Variants in C9orf72 observed in about 807,000 individuals in gnomAD.
C9orf72 encodes the protein C9orf72-SMCR8 complex subunit, also known as guanine nucleotide exchange factor C9orf72.
C9orf72 carries 44 observed loss-of-function variants against 51.6 expected under a neutral mutation model. The observed-to-expected ratio is 0.85, with a 90% CI of 0.67 to 1.10. C9orf72 has a LOEUF of 1.10. Among genes scored for constraint, C9orf72 ranks in the 50% least tolerant of loss-of-function variants. C9orf72 has a pLI of 0.00. For missense variants in C9orf72, 607 were observed against 570.6 expected, an observed-to-expected ratio of 1.06 and a Z score of -0.65; for synonymous variants, 213 against 194.2, an observed-to-expected ratio of 1.10 and a Z score of -0.81.
In C9orf72 at chr9:27,548,731, TGA is replaced by T. The variant is rs373632829; in HGVS notation, c.1150-67_1150-66del. 2.3e-4 allele frequency: 192 copies of T among 832,538 alleles called. No homozygotes were observed. The East Asian group carries it at 4.2e-3, about 18-fold the overall frequency. The allele number at this position is 832,538 out of a possible 1,614,324, so 51.6% of individuals were successfully genotyped here. A position where few individuals can be genotyped will look rare whatever the true frequency, so the allele number is the denominator to read the frequency against. ...CATTCTACTCGTACAGAAGTTTCTA[TGA>T]CAGTGTTGACAGTGCTTGGCAGACA... On this transcript the variant is annotated intron_variant, in intron 9 of 10. Coordinates refer to ENST00000380003, the MANE Select transcript of C9orf72 (RefSeq NM_018325.5).
chr9:27,561,668 TAA>T lies in C9orf72; in HGVS notation c.601-21_601-20del. Reference sequence around the variant, plus strand: ...CAGCTATCTAAAATGCATCAAAAAATAAAAAAATTAGTCTGGCTGTAACATAG... The same window carrying T: ...CAGCTATCTAAAATGCATCAAAAAATAAAAATTAGTCTGGCTGTAACATAG... On this transcript the variant is annotated intron_variant, in intron 4 of 10. Coordinates refer to ENST00000380003, the MANE Select transcript of C9orf72 (RefSeq NM_018325.5). 6.7e-7 allele frequency: 1 copy of T among 1,484,330 alleles called. No homozygotes were observed. The highest frequency in any genetic ancestry group is 9.3e-7 in the Non-Finnish European group (1 of 1,073,574). 91.9% of individuals were successfully genotyped at this position (1,484,330 alleles called of 1,614,324 possible).
chr9:27,548,462 G>GA, intron 10 of C9orf72, 40 bp from the exon 11 acceptor site: 1 of 502,014 alleles, frequency 2.0e-6, no homozygotes. Flanking sequence ...AAAAAAAAAA[G>GA]AAGCGCAAAA....
At chr9:27,565,033 C>A (rs1170892070) in intron 3 of C9orf72, among the ~76,000 whole-genome samples, 2 of 152,048 alleles carry the variant, frequency 1.3e-5, no homozygotes, top group African/African-American at 4.8e-5. Context: ...ATATCACTGA[C>A]AAATTTTAAT....
chr9:27,548,973 T>C (rs1227649862), intron 9 of C9orf72, among the ~76,000 whole-genome samples: 1 of 152,066 alleles, frequency 6.6e-6, no homozygotes, highest in Non-Finnish European at 1.5e-5. Context: ...GCCTCCCAGG[T>C]AGCTGGGATT....
chr9:27,550,862 T>C (rs987509553), intron 8 of C9orf72, among the ~76,000 whole-genome samples, 155 bp from the exon 9 acceptor site: 4 of 152,172 alleles, frequency 2.6e-5, no homozygotes, highest in Admixed American at 1.3e-4. Flanking sequence ...TAGATATATA[T>C]ATTTGGAGAC....
chr9:27,560,134 AT>A, intron 6 of C9orf72, 92 bp downstream of exon 6: 1 of 806,920 alleles, frequency 1.2e-6, no homozygotes, highest in Non-Finnish European at 1.9e-6. Flanking sequence ...CTACTAGATC[AT>A]TTTAATTGCA....
Position 27,546,699 on chromosome 9 carries a change from T to A in C9orf72, c.*1537A>T, listed in dbSNP as rs1208114840. The A allele has an allele frequency of 6.6e-6, 1 of 152,208 alleles. No homozygotes were observed. Among genetic ancestry groups the A allele is most frequent in the Non-Finnish European group, 1.5e-5 (1 of 68,022 alleles). 9.4% of individuals were successfully genotyped at this position (152,208 alleles called of 1,614,324 possible). Reference sequence around the variant, plus strand: ...CCAAAGAAAATAACCAGTTAGCACTTAAATAAGAATCTACCATGTAAAAAA... The same window carrying A: ...CCAAAGAAAATAACCAGTTAGCACTAAAATAAGAATCTACCATGTAAAAAA... On this transcript the variant is annotated 3_prime_UTR_variant, in exon 11 of 11. Transcript: ENST00000380003.
At chr9:27,552,422 G>A (rs866159857) in intron 8 of C9orf72, among the ~76,000 whole-genome samples, 1 of 151,760 alleles carries the variant, frequency 6.6e-6, no homozygotes, top group Middle Eastern at 3.4e-3. Flanking sequence ...ATCTCAGCTC[G>A]CTGCCAACCT....
At chr9:27,550,191 C>T (rs933409184) in intron 9 of C9orf72, among the ~76,000 whole-genome samples, 17 of 149,760 alleles carry the variant, frequency 1.1e-4, no homozygotes, top group Non-Finnish European at 1.9e-4. Context: ...TATATATATA[C>T]ACACACAAAC....
chr9:27,562,207 G>A (rs1380462259), intron 4 of C9orf72, among the ~76,000 whole-genome samples, 174 bp downstream of exon 4: 1 of 152,120 alleles, frequency 6.6e-6, no homozygotes, highest in East Asian at 1.9e-4. Context: ...CCTCTGTTTT[G>A]CCATAAAATC....
intron 3 of C9orf72, among the ~76,000 whole-genome samples, chr9:27,564,657 T>A (rs1048808735): frequency 2.6e-5 from 4 of 152,144 alleles, no homozygotes; most frequent in African/African-American, 7.2e-5. Flanking sequence ...GGGTTCTGTA[T>A]TATGGCCATG....
At chr9:27,558,146 T>A (rs1336027077) in intron 7 of C9orf72, among the ~76,000 whole-genome samples, 2 of 150,444 alleles carry the variant, frequency 1.3e-5, no homozygotes, top group Admixed American at 1.3e-4. Flanking sequence ...ATGTTTAAAA[T>A]TTTTTTTCAA....
intron 4 of C9orf72, among the ~76,000 whole-genome samples, chr9:27,562,062 A>G (rs1819363655): frequency 6.6e-6 from 1 of 152,234 alleles, no homozygotes; most frequent in African/African-American, 2.4e-5. Flanking sequence ...ACTTTGGCAC[A>G]CAGTTTTGTT....
At chr9:27,548,454 A>G in intron 10 of C9orf72, 32 bp from the exon 11 acceptor site, 1 of 1,410,018 alleles carries the variant, frequency 7.1e-7, no homozygotes, top group African/African-American at 1.5e-5. Context: ...AAAAAAAAAA[A>G]AAAAAAAGAA....
rs763962885 is a variant in C9orf72 at position 27,562,476 on chromosome 9, C to T, written c.505G>A (p.Gly169Ser). ...LEGTERMEDQ[G>S]QSIIPMLTGE... ...GTAAGCATTGGAATAATACTCTGACCCTGCACAATAAAGTGACATGAAGTG... is the reference window on the plus strand; with the variant it reads ...GTAAGCATTGGAATAATACTCTGACTCTGCACAATAAAGTGACATGAAGTG... Residue 169 changes from glycine to serine, a missense_variant and splice_region_variant, in exon 4 of 11, where the codon GGT becomes AGT. Physicochemically the swap from Gly to Ser is moderately conservative, Grantham distance 56. Coordinates refer to ENST00000380003, the MANE Select transcript of C9orf72 (RefSeq NM_018325.5). The T allele has an allele frequency of 2.0e-6, 3 of 1,520,346 alleles. No homozygotes were observed. The highest frequency in any genetic ancestry group is 2.7e-6 in the Non-Finnish European group (3 of 1,123,006). The allele number at this position is 1,520,346 out of a possible 1,614,324, so 94.2% of individuals were successfully genotyped here. A position where few individuals can be genotyped will look rare whatever the true frequency, so the allele number is the denominator to read the frequency against.
chr9:27,565,261 C>A lies in C9orf72; in HGVS notation c.504+270G>T, dbSNP rs537176846. On this transcript the variant is annotated intron_variant, in intron 3 of 10. Coordinates refer to ENST00000380003, the MANE Select transcript of C9orf72 (RefSeq NM_018325.5). The stretch of plus-strand genomic sequence containing the variant: ...CAATTTTTTTTATTTTTACTATGAA[C>A]AAGTTATCCAAAATTTATTCTGGGC... Among the ~76,000 whole-genome samples, 5 of 151,382 alleles carry A rather than the reference C, an allele frequency of 3.3e-5. No individual in the cohort carries two copies. The East Asian group carries it at 9.7e-4, about 29-fold the overall frequency.
chr9:27,571,772 C>T (rs575686240), intron 1 of C9orf72, among the ~76,000 whole-genome samples: 1 of 152,248 alleles, frequency 6.6e-6, no homozygotes, highest in Admixed American at 6.5e-5. Flanking sequence ...TACTTGTAAC[C>T]ATGCTGTTTA....
At position 27,571,949 on chromosome 9, in the gene C9orf72, C is replaced by G. The variant is rs150243578; in HGVS notation, c.-45+1482G>C. ...AGACTGGAAGGTGAAGTTCATATCACTATCTGGCCATTTCTCACAGTTCCA... is the reference window on the plus strand; with the variant it reads ...AGACTGGAAGGTGAAGTTCATATCAGTATCTGGCCATTTCTCACAGTTCCA... On this transcript the variant is annotated intron_variant, in intron 1 of 10. Coordinates refer to ENST00000380003, the MANE Select transcript of C9orf72 (RefSeq NM_018325.5). 1.1e-3 allele frequency among the ~76,000 whole-genome samples: 168 copies of G among 152,322 alleles called. 4 individuals carry two copies. The East Asian group carries it at 0.024, about 22-fold the overall frequency.
intron 3 of C9orf72, among the ~76,000 whole-genome samples, chr9:27,563,305 T>C (rs531918127): frequency 7.2e-5 from 11 of 152,306 alleles, no homozygotes; most frequent in Admixed American, 6.5e-4. Context: ...TTGTAGTCTA[T>C]AGAATCAAAC....
Sources: gnomAD v4.1 joint callset for allele counts (sites outside exome capture counted in the v4.1 genomes callset) on GRCh38, gnomAD v4.1.1 for gene constraint, MANE v1.5 for transcripts, NCBI Gene and HGNC (gene_info 2026-07-23, HGNC 2026-07-21) for gene names.